FARS2: variants seen among roughly 807,000 people sequenced by gnomAD.
FARS2 encodes the protein phenylalanyl-tRNA synthetase 2, mitochondrial, also known as phenylalanine--tRNA ligase, mitochondrial.
Under a neutral mutation model 46.4 loss-of-function variants are expected in FARS2, and 40 were observed. The observed-to-expected ratio is 0.86, with a 90% CI of 0.67 to 1.12. The LOEUF is 1.12. FARS2 is among the 50% of genes most tolerant of loss of function. The pLI is 0.00. For missense variants in FARS2, 513 were observed against 567.9 expected, an observed-to-expected ratio of 0.90 and a Z score of 0.98; for synonymous variants, 234 against 214.9, an observed-to-expected ratio of 1.09 and a Z score of -0.78.
At chr6:5,657,293 T>C (rs774488431) in intron 6 of FARS2, among the ~76,000 whole-genome samples, 5 of 152,200 alleles carry the variant, frequency 3.3e-5, no homozygotes, top group Admixed American at 6.5e-5. Flanking sequence ...GAAGCCTTTA[T>C]CTAAACGAGG....
intron 6 of FARS2, among the ~76,000 whole-genome samples, 153 bp from the exon 7 acceptor site, chr6:5,771,138 A>G (rs543409231): frequency 2.6e-5 from 4 of 152,210 alleles, no homozygotes; most frequent in Non-Finnish European, 5.9e-5. Context: ...CTCCCCCTGT[A>G]TAAGATGCAG....
intron 2 of FARS2, chr6:5,371,259 TAACTC>T: frequency 1.3e-6 from 1 of 776,882 alleles, no homozygotes; most frequent in African/African-American, 1.9e-5. Flanking sequence ...GACCTAATCT[TAACTC>T]TAAACAAAAT....
intron 2 of FARS2, among the ~76,000 whole-genome samples, chr6:5,374,580 C>T (rs1173975218): frequency 1.3e-5 from 2 of 151,758 alleles, no homozygotes; most frequent in Non-Finnish European, 2.9e-5. Context: ...AAAGAGAGTC[C>T]TACCAAGCTC....
At chr6:5,691,909 C>T (rs536750352) in intron 6 of FARS2, among the ~76,000 whole-genome samples, 8 of 152,310 alleles carry the variant, frequency 5.3e-5, no homozygotes, top group Admixed American at 1.3e-4. Flanking sequence ...CCCCTAGCCT[C>T]GCTGCCACCT....
intron 1 of FARS2, among the ~76,000 whole-genome samples, chr6:5,285,447 T>C (rs1008709298): frequency 1.3e-5 from 2 of 152,162 alleles, no homozygotes; most frequent in Non-Finnish European, 2.9e-5. Context: ...TTTTTCTTAA[T>C]GTGTATTATA....
intron 3 of FARS2, among the ~76,000 whole-genome samples, chr6:5,409,190 C>T (rs1418096124): frequency 1.3e-5 from 2 of 152,094 alleles, no homozygotes; most frequent in Non-Finnish European, 2.9e-5. Flanking sequence ...GTGGCTCACA[C>T]CTGTAATACC....
At chr6:5,381,064 G>C (rs1005057916) in intron 2 of FARS2, among the ~76,000 whole-genome samples, 48 of 151,188 alleles carry the variant, frequency 3.2e-4, no homozygotes, top group African/African-American at 1.1e-3. Flanking sequence ...GCAGTGGCGC[G>C]ATCTTGGCTC....
chr6:5,409,701 C>T (rs1265008450), intron 3 of FARS2, among the ~76,000 whole-genome samples: 3 of 152,188 alleles, frequency 2.0e-5, no homozygotes, highest in African/African-American at 4.8e-5. Flanking sequence ...TTGGTTCACA[C>T]GCATCAGAAT....
intron 1 of FARS2, among the ~76,000 whole-genome samples, chr6:5,321,333 G>C (rs1226361574): frequency 6.6e-6 from 1 of 152,216 alleles, no homozygotes; most frequent in Non-Finnish European, 1.5e-5. Context: ...TGGGCTTGAT[G>C]TGTTCTTGCA....
At chr6:5,541,929 A>G (rs112365675) in intron 4 of FARS2, among the ~76,000 whole-genome samples, 312 of 152,266 alleles carry the variant, frequency 2.0e-3, no homozygotes, top group African/African-American at 7.2e-3. Flanking sequence ...TCCCCCTTTT[A>G]GAGTATATAG....
intron 4 of FARS2, among the ~76,000 whole-genome samples, chr6:5,504,694 CA>C (rs1348066084): frequency 1.3e-5 from 2 of 152,142 alleles, no homozygotes; most frequent in African/African-American, 2.4e-5. Context: ...CATACAGTTA[CA>C]AAACTGCTCA....
chr6:5,496,500 G>A (rs1190521685), intron 4 of FARS2, among the ~76,000 whole-genome samples: 1 of 152,172 alleles, frequency 6.6e-6, no homozygotes, highest in Non-Finnish European at 1.5e-5. Flanking sequence ...ACTGCAGAGT[G>A]GAGTGTTTAA....
Position 5,493,223 on chromosome 6 carries a change from A to G in FARS2, c.905-51957A>G, listed in dbSNP as rs551151554. The stretch of plus-strand genomic sequence containing the variant: ...AGACTGTGTCTCAAAAAAAAAAAAA[A>G]AAAAAGAAAAAGAAAGAAATGAGCC... On this transcript the variant is annotated intron_variant, in intron 4 of 6. Transcript: ENST00000274680. Among the ~76,000 whole-genome samples the G allele has an allele frequency of 1.9e-3, 289 of 151,888 alleles. 1 individual carries two copies. The highest frequency in any genetic ancestry group is 6.4e-3 in the African/African-American group (265 of 41,494).
chr6:5,377,160 C>T (rs1404399665), intron 2 of FARS2, among the ~76,000 whole-genome samples: 1 of 152,154 alleles, frequency 6.6e-6, no homozygotes, highest in East Asian at 1.9e-4. Flanking sequence ...CTTACAAATC[C>T]TGTGTCTATT....
At chr6:5,271,012 T>A (rs1220824868) in intron 1 of FARS2, among the ~76,000 whole-genome samples, 2 of 152,228 alleles carry the variant, frequency 1.3e-5, no homozygotes, top group African/African-American at 4.8e-5. Context: ...CTCTTCAGCT[T>A]AGAGTGACTG....
intron 4 of FARS2, among the ~76,000 whole-genome samples, chr6:5,486,018 A>T (rs1250129243): frequency 6.6e-6 from 1 of 152,152 alleles, no homozygotes; most frequent in Admixed American, 6.5e-5. Context: ...GGGGACTTAG[A>T]CTAGTTATTC....
intron 6 of FARS2, among the ~76,000 whole-genome samples, chr6:5,701,088 GA>G (rs1358727094): frequency 2.0e-5 from 3 of 152,268 alleles, no homozygotes; most frequent in Non-Finnish European, 4.4e-5. Flanking sequence ...AAAGGGTCCA[GA>G]AGGATCTATG....
chr6:5,636,309 C>A (rs1776543433), intron 6 of FARS2, among the ~76,000 whole-genome samples: 1 of 152,202 alleles, frequency 6.6e-6, no homozygotes, highest in Non-Finnish European at 1.5e-5. Flanking sequence ...GCAGCGAAGG[C>A]CTGACAGTGT....
At chr6:5,404,402 G>A (rs1377449931) in intron 2 of FARS2, 140 bp from the exon 3 acceptor site, 6 of 493,142 alleles carry the variant, frequency 1.2e-5, no homozygotes, top group Non-Finnish European at 2.1e-5. Flanking sequence ...ATTTCATTAC[G>A]TTTATTGACA....
Sources: gnomAD v4.1 joint callset for allele counts (sites outside exome capture counted in the v4.1 genomes callset) on GRCh38, gnomAD v4.1.1 for gene constraint, MANE v1.5 for transcripts, NCBI Gene and HGNC (gene_info 2026-07-23, HGNC 2026-07-21) for gene names.